The following MIR2052HG variants were observed in gnomAD, a reference collection of about 807,000 sequenced individuals.
MIR2052HG encodes MIR2052 host gene.
chr8:74,647,559 C>T (rs1286040833), intron 2 of MIR2052HG, among the ~76,000 whole-genome samples: 1 of 152,154 alleles, frequency 6.6e-6, no homozygotes, highest in African/African-American at 2.4e-5. Flanking sequence ...ATGTTTTAAG[C>T]ATTTAGTCCT....
intron 2 of MIR2052HG, among the ~76,000 whole-genome samples, chr8:74,680,471 A>T (rs1485703537): frequency 2.0e-5 from 3 of 152,206 alleles, no homozygotes; most frequent in Non-Finnish European, 2.9e-5. Context: ...AATGCTCACC[A>T]TCACTGGCCA....
intron 2 of MIR2052HG, among the ~76,000 whole-genome samples, chr8:74,646,241 T>C (rs1808689008): frequency 2.0e-5 from 3 of 152,306 alleles, no homozygotes; most frequent in East Asian, 3.9e-4. Flanking sequence ...GAAGACTTCC[T>C]AGAGGAAGTA....
intron 2 of MIR2052HG, among the ~76,000 whole-genome samples, chr8:74,669,487 T>A (rs1290533001): frequency 6.6e-6 from 1 of 152,196 alleles, no homozygotes; most frequent in Non-Finnish European, 1.5e-5. Flanking sequence ...AGAGATCTTA[T>A]CTAAGACTTA....
At chr8:74,648,189 A>T (rs1365081061) in intron 2 of MIR2052HG, among the ~76,000 whole-genome samples, 1 of 152,188 alleles carries the variant, frequency 6.6e-6, no homozygotes, top group Admixed American at 6.5e-5. Flanking sequence ...AGCAAGGAAT[A>T]TTAATAATTG....
At chr8:74,660,574 A>G (rs1003259123) in intron 2 of MIR2052HG, among the ~76,000 whole-genome samples, 1 of 152,322 alleles carries the variant, frequency 6.6e-6, no homozygotes, top group East Asian at 1.9e-4. Context: ...AAAATAAAAT[A>G]TTACTTGTTT....
intron 2 of MIR2052HG, among the ~76,000 whole-genome samples, chr8:74,619,443 T>C (rs1808330948): frequency 6.6e-6 from 1 of 152,186 alleles, no homozygotes. Context: ...TATTTGTCTA[T>C]TCACACACTG....
At chr8:74,629,352 C>A (rs866206829) in intron 2 of MIR2052HG, among the ~76,000 whole-genome samples, 1 of 152,002 alleles carries the variant, frequency 6.6e-6, no homozygotes, top group Middle Eastern at 3.4e-3. Flanking sequence ...TTAGAACTTT[C>A]AAAGTGATTG....
In MIR2052HG at chr8:74,600,863, C is replaced by T. The variant is rs576974322; in HGVS notation, n.128+955C>T. ...TGCTGGGATTACAGGCGTGAGCCAC[C>T]GCGCCTGGCCTATTTAATTCTTAAT... On this transcript the variant is annotated intron_variant and non_coding_transcript_variant, in intron 1 of 6. Coordinates refer to ENST00000523442, the Ensembl canonical transcript of MIR2052HG. Among the ~76,000 whole-genome samples the T allele has an allele frequency of 4.0e-3, 611 of 152,194 alleles. 1 individual carries two copies. Among genetic ancestry groups the T allele is most frequent in the Non-Finnish European group, 6.6e-3 (452 of 68,008 alleles).
chr8:74,719,135 A>G (rs1809549416), intron 4 of MIR2052HG, among the ~76,000 whole-genome samples: 1 of 151,838 alleles, frequency 6.6e-6, no homozygotes, highest in Admixed American at 6.6e-5. Flanking sequence ...AGAGAGGAGA[A>G]ACCCATCCAA....
chr8:74,674,052 G>A (rs901325902), intron 2 of MIR2052HG, among the ~76,000 whole-genome samples: 1 of 150,656 alleles, frequency 6.6e-6, no homozygotes, highest in Non-Finnish European at 1.5e-5. Context: ...ATTAATATCA[G>A]TATAATATGT....
chr8:74,717,965 C>T (rs1289508328), intron 4 of MIR2052HG, among the ~76,000 whole-genome samples: 3 of 151,902 alleles, frequency 2.0e-5, no homozygotes, highest in Non-Finnish European at 4.4e-5. Flanking sequence ...ATAAATATAT[C>T]ATCTTAAAAT....
chr8:74,735,166 TA>T (rs1402865890), intron 4 of MIR2052HG, among the ~76,000 whole-genome samples: 2 of 152,182 alleles, frequency 1.3e-5, no homozygotes, highest in Non-Finnish European at 2.9e-5. Flanking sequence ...AAACACAATG[TA>T]ATGTTTATAA....
intron 1 of MIR2052HG, among the ~76,000 whole-genome samples, chr8:74,600,869 T>C (rs1460497404): frequency 6.6e-6 from 1 of 152,124 alleles, no homozygotes; most frequent in African/African-American, 2.4e-5. Flanking sequence ...CCACCGCGCC[T>C]GGCCTATTTA....
intron 2 of MIR2052HG, among the ~76,000 whole-genome samples, chr8:74,663,530 A>T (rs1055572941): frequency 6.6e-6 from 1 of 152,236 alleles, no homozygotes; most frequent in African/African-American, 2.4e-5. Flanking sequence ...AAGGAGAGAA[A>T]AGATAAGTCA....
intron 2 of MIR2052HG, among the ~76,000 whole-genome samples, chr8:74,617,236 C>T (rs754112269): frequency 6.6e-6 from 1 of 152,092 alleles, no homozygotes; most frequent in African/African-American, 2.4e-5. Context: ...AATCCTCACT[C>T]CCTTCCACCC....
intron 1 of MIR2052HG, among the ~76,000 whole-genome samples, chr8:74,602,833 C>CTTTCTTTCTTTCTTTCTTTCTTTCTTTCT (rs1808029965): frequency 7.4e-6 from 1 of 134,262 alleles, no homozygotes; most frequent in Non-Finnish European, 1.6e-5. Context: ...TTCTTTCTTT[C>CTTTCTTTCTTTCTTTCTTTCTTTCTTTCT]TTTCTTTCTT....
At position 74,680,089 on chromosome 8, in the gene MIR2052HG, G is replaced by A. The variant is rs76978491; in HGVS notation, n.217-22290G>A. 3.1e-3 allele frequency among the ~76,000 whole-genome samples: 468 copies of A among 152,170 alleles called. 7 individuals are homozygous for A. In the East Asian group the frequency reaches 0.052, roughly 17 times the overall value. On this transcript the variant is annotated intron_variant and non_coding_transcript_variant, in intron 2 of 6. Coordinates refer to ENST00000523442, the Ensembl canonical transcript of MIR2052HG. Reference sequence around the variant, plus strand: ...CAGACAACCTATAAGAATTAGTAACGGAGTTAAAAATGCTGTTTAGATATG... The same window carrying A: ...CAGACAACCTATAAGAATTAGTAACAGAGTTAAAAATGCTGTTTAGATATG...
chr8:74,718,556 G>A (rs528436359), intron 4 of MIR2052HG, among the ~76,000 whole-genome samples: 12 of 152,248 alleles, frequency 7.9e-5, no homozygotes, highest in African/African-American at 2.2e-4. Context: ...TGTATCAGCC[G>A]TACTCACAAA....
intron 4 of MIR2052HG, among the ~76,000 whole-genome samples, chr8:74,721,324 A>ACTTAT (rs1157379939): frequency 8.5e-5 from 13 of 152,306 alleles, no homozygotes; most frequent in African/African-American, 3.1e-4. Flanking sequence ...TCTGTGTTTC[A>ACTTAT]CTTATCTATT....
Sources: gnomAD v4.1 joint callset for allele counts (sites outside exome capture counted in the v4.1 genomes callset) on GRCh38, gnomAD v4.1.1 for gene constraint, MANE v1.5 for transcripts, NCBI Gene and HGNC (gene_info 2026-07-23, HGNC 2026-07-21) for gene names.